The following SPOPL variants were observed in gnomAD, a reference collection of about 807,000 sequenced individuals.
SPOPL encodes the protein speckle-type POZ protein-like.
A neutral mutation model predicts 53.8 loss-of-function variants in SPOPL; 23 were observed. The observed-to-expected ratio is 0.43, with a 90% CI of 0.31 to 0.61. The LOEUF (loss-of-function observed/expected upper bound fraction) is 0.61, where lower values mean the gene tolerates loss of function less well. SPOPL is among the 20% of genes least tolerant of loss of function. The probability of loss-of-function intolerance (pLI) is 0.12; values close to 1 mark genes in which losing one functional copy is unlikely to be tolerated. For missense variants in SPOPL, 442 were observed against 466.9 expected (o/e 0.95, Z 0.49); for synonymous variants, 164 against 149.7 (o/e 1.10, Z -0.70).
intron 1 of SPOPL, among the ~76,000 whole-genome samples, chr2:138,533,715 A>C (rs774668158): frequency 1.1e-4 from 16 of 152,088 alleles, no homozygotes; most frequent in Non-Finnish European, 2.2e-4. Flanking sequence ...TTTTCATCAT[A>C]TATATAAAGT....
chr2:138,514,747 A>G (rs1386156491), intron 1 of SPOPL, among the ~76,000 whole-genome samples: 1 of 152,098 alleles, frequency 6.6e-6, no homozygotes, highest in African/African-American at 2.4e-5. Flanking sequence ...ACTGGGTCAT[A>G]TGTGTGCCTT....
At chr2:138,524,179 A>C (rs1325766447) in intron 1 of SPOPL, among the ~76,000 whole-genome samples, 1 of 152,216 alleles carries the variant, frequency 6.6e-6, no homozygotes, top group Non-Finnish European at 1.5e-5. Context: ...ACCACATGGA[A>C]GCTGCCAAGA....
chr2:138,506,976 G>A (rs1005514717), intron 1 of SPOPL, among the ~76,000 whole-genome samples: 16 of 152,152 alleles, frequency 1.1e-4, no homozygotes, highest in African/African-American at 3.6e-4. Flanking sequence ...CTAGAGGTTG[G>A]AAGAAAATTT....
intron 1 of SPOPL, among the ~76,000 whole-genome samples, chr2:138,529,527 TGTGTGTGTTTGC>T (rs1684756291): frequency 6.7e-6 from 1 of 148,350 alleles, no homozygotes; most frequent in Non-Finnish European, 1.5e-5. Context: ...TGTGTGTGTG[TGTGTGTGTTTGC>T]GTGCGCGCGC....
At chr2:138,514,349 T>C (rs1174095024) in intron 1 of SPOPL, among the ~76,000 whole-genome samples, 2 of 152,216 alleles carry the variant, frequency 1.3e-5, no homozygotes, top group Admixed American at 6.5e-5. Flanking sequence ...CTGATTTGCC[T>C]CTCAGAAGGA....
At chr2:138,518,423 T>C (rs900783555) in intron 1 of SPOPL, among the ~76,000 whole-genome samples, 5 of 152,148 alleles carry the variant, frequency 3.3e-5, no homozygotes, top group Admixed American at 6.5e-5. Flanking sequence ...CTTTTATGAG[T>C]GAAGAATTAT....
chr2:138,556,315 C>G (rs1685423008), intron 5 of SPOPL, among the ~76,000 whole-genome samples: 2 of 152,104 alleles, frequency 1.3e-5, no homozygotes, highest in South Asian at 4.2e-4. Flanking sequence ...CTTTTATTAC[C>G]TGATTTTTTG....
intron 1 of SPOPL, among the ~76,000 whole-genome samples, chr2:138,534,617 A>G (rs1332364754): frequency 6.6e-6 from 1 of 152,158 alleles, no homozygotes; most frequent in East Asian, 1.9e-4. Context: ...AATTCATATA[A>G]CATAAAATCT....
At chr2:138,519,907 A>AT (rs1558863695) in intron 1 of SPOPL, among the ~76,000 whole-genome samples, 2 of 152,208 alleles carry the variant, frequency 1.3e-5, no homozygotes, top group African/African-American at 4.8e-5. Flanking sequence ...TATGGGTGGC[A>AT]TTTTTTGTGA....
intron 1 of SPOPL, among the ~76,000 whole-genome samples, chr2:138,528,015 C>T (rs1195404932): frequency 8.5e-5 from 13 of 152,138 alleles, no homozygotes; most frequent in Admixed American, 8.5e-4. Context: ...ATCTTTTCTC[C>T]TTATTTTTCT....
intron 5 of SPOPL, among the ~76,000 whole-genome samples, chr2:138,555,747 G>A (rs1042236806): frequency 2.0e-5 from 3 of 152,154 alleles, no homozygotes; most frequent in Non-Finnish European, 2.9e-5. Context: ...TCACAGATTA[G>A]ATCCCTCAAA....
chr2:138,557,412 G>A (rs1685450493), intron 5 of SPOPL, among the ~76,000 whole-genome samples: 1 of 152,168 alleles, frequency 6.6e-6, no homozygotes, highest in African/African-American at 2.4e-5. Flanking sequence ...TTAGAAGTGT[G>A]TATTCATTCA....
intron 1 of SPOPL, among the ~76,000 whole-genome samples, chr2:138,524,045 A>T (rs1684616016): frequency 6.6e-6 from 1 of 152,156 alleles, no homozygotes; most frequent in Admixed American, 6.5e-5. Flanking sequence ...GAGGTTCTCC[A>T]TGAGAGCCCC....
chr2:138,548,865 T>C (rs1451191255), intron 1 of SPOPL, among the ~76,000 whole-genome samples: 1 of 152,170 alleles, frequency 6.6e-6, no homozygotes, highest in East Asian at 1.9e-4. Context: ...ATCATTACTC[T>C]TTCAGTACAT....
intron 1 of SPOPL, among the ~76,000 whole-genome samples, chr2:138,529,667 T>C (rs1470802892): frequency 6.6e-6 from 1 of 152,228 alleles, no homozygotes; most frequent in Non-Finnish European, 1.5e-5. Context: ...GTCTTTCAAC[T>C]TTGTTGTTCA....
At chr2:138,515,124 C>T (rs1471950249) in intron 1 of SPOPL, among the ~76,000 whole-genome samples, 1 of 152,120 alleles carries the variant, frequency 6.6e-6, no homozygotes, top group Non-Finnish European at 1.5e-5. Flanking sequence ...GAAAATGAGA[C>T]GGTCATGAAA....
chr2:138,507,012 A>G (rs767820327), intron 1 of SPOPL, among the ~76,000 whole-genome samples: 1 of 152,220 alleles, frequency 6.6e-6, no homozygotes, highest in Non-Finnish European at 1.5e-5. Flanking sequence ...AGCCAAGGCA[A>G]TAGACTGAAA....
chr2:138,548,378 A>G (rs1558875312), intron 1 of SPOPL, among the ~76,000 whole-genome samples: 1 of 151,872 alleles, frequency 6.6e-6, no homozygotes, highest in Non-Finnish European at 1.5e-5. Flanking sequence ...ACATCAAATA[A>G]CACCATCTGC....
chr2:138,532,048 A>G (rs1684820644), intron 1 of SPOPL, among the ~76,000 whole-genome samples: 1 of 152,214 alleles, frequency 6.6e-6, no homozygotes, highest in Non-Finnish European at 1.5e-5. Context: ...TTTACTTTAC[A>G]GGCATTTCAA....
Sources: gnomAD v4.1 joint callset for allele counts (sites outside exome capture counted in the v4.1 genomes callset) on GRCh38, gnomAD v4.1.1 for gene constraint, MANE v1.5 for transcripts, NCBI Gene and HGNC (gene_info 2026-07-23, HGNC 2026-07-21) for gene names.